CLVS1: variants seen among roughly 807,000 people sequenced by gnomAD.
CLVS1 encodes the protein clavesin 1, also known as clavesin-1.
Under a neutral mutation model 33.1 loss-of-function variants are expected in CLVS1, and 10 were observed. That is an observed-to-expected ratio of 0.30 (90% CI 0.19 to 0.51). CLVS1 has a LOEUF of 0.51. Ranked by LOEUF, CLVS1 falls within the 20% of genes least tolerant of loss-of-function variation. CLVS1 has a pLI of 0.97. For synonymous variants in CLVS1, 163 were observed against 166.1 expected, an observed-to-expected ratio of 0.98 and a Z score of 0.14; for missense variants, 343 against 433.4, an observed-to-expected ratio of 0.79 and a Z score of 1.85.
chr8:61,064,512 A>G (rs1166249927), intron 1 of CLVS1, among the ~76,000 whole-genome samples: 1 of 150,924 alleles, frequency 6.6e-6, no homozygotes, highest in African/African-American at 2.4e-5. Context: ...TTCTTTGGAG[A>G]AATGTCTATT....
intron 3 of CLVS1, among the ~76,000 whole-genome samples, chr8:61,379,766 T>G (rs1216046503): frequency 6.6e-6 from 1 of 152,134 alleles, no homozygotes; most frequent in African/African-American, 2.4e-5. Context: ...AGTTGGACAG[T>G]AGGAGAAATT....
intron 2 of CLVS1, among the ~76,000 whole-genome samples, chr8:61,226,980 GTTTT>G (rs55718731): frequency 0.011 from 1,513 of 132,326 alleles, 10 homozygotes; most frequent in Non-Finnish European, 0.017. Flanking sequence ...ACGAAAACAT[GTTTT>G]TTTTTTTTTT....
At chr8:61,068,049 T>C (rs1288773522) in intron 1 of CLVS1, among the ~76,000 whole-genome samples, 3 of 151,196 alleles carry the variant, frequency 2.0e-5, no homozygotes, top group Admixed American at 2.0e-4. Flanking sequence ...TTAGCAGGTG[T>C]GGTGGCTAGC....
At chr8:61,357,189 G>T (rs1020898335) in intron 2 of CLVS1, among the ~76,000 whole-genome samples, 2 of 152,154 alleles carry the variant, frequency 1.3e-5, no homozygotes, top group African/African-American at 4.8e-5. Flanking sequence ...GTGAATGGGA[G>T]TTCACTCATG....
At chr8:61,156,214 C>CAAAAAAA (rs56094016) in intron 2 of CLVS1, among the ~76,000 whole-genome samples, 1 of 56,324 alleles carries the variant, frequency 1.8e-5, no homozygotes, top group Non-Finnish European at 2.9e-5. Context: ...GATTCCATCT[C>CAAAAAAA]AAAAAAAAAA....
rs73685055 is a variant in CLVS1 at position 61,463,498 on chromosome 8, G to A, written c.977+4956G>A. ...TAGCTTTTGGTTTAAAATGAGAGAC[G>A]TGCAACTCTTCCTTTCACTTAAACA... On this transcript the variant is annotated intron_variant, in intron 5 of 5. Transcript: ENST00000325897. Among the ~76,000 whole-genome samples, 1,176 of 152,214 alleles carry A rather than the reference G, an allele frequency of 7.7e-3. 8 individuals are homozygous for A. The highest frequency in any genetic ancestry group is 0.027 in the African/African-American group (1,124 of 41,532).
At chr8:61,403,005 A>G (rs1236809573) in intron 3 of CLVS1, among the ~76,000 whole-genome samples, 1 of 152,258 alleles carries the variant, frequency 6.6e-6, no homozygotes, top group Non-Finnish European at 1.5e-5. Flanking sequence ...GTACTATTAA[A>G]AAAACAGGTT....
chr8:61,204,600 G>A (rs1807802132), intron 2 of CLVS1, among the ~76,000 whole-genome samples: 2 of 150,122 alleles, frequency 1.3e-5, no homozygotes, highest in African/African-American at 5.1e-5. Flanking sequence ...ATGACATTAA[G>A]TACATTATTT....
chr8:61,480,359 C>T (rs765161340), intron 5 of CLVS1, among the ~76,000 whole-genome samples: 20 of 152,162 alleles, frequency 1.3e-4, no homozygotes, highest in African/African-American at 3.1e-4. Flanking sequence ...AGCAAGGCTC[C>T]GTGGGCGTAG....
chr8:61,126,956 T>G (rs757908403), intron 1 of CLVS1, among the ~76,000 whole-genome samples: 19 of 152,200 alleles, frequency 1.2e-4, no homozygotes, highest in Non-Finnish European at 1.0e-4. Flanking sequence ...ATTTCTGTGT[T>G]TCTGATGTTC....
At chr8:61,086,863 G>A (rs140531724) in intron 1 of CLVS1, among the ~76,000 whole-genome samples, 41 of 152,282 alleles carry the variant, frequency 2.7e-4, no homozygotes, top group African/African-American at 9.4e-4. Context: ...TTTCACCCCT[G>A]TATCCAGATG....
intron 2 of CLVS1, among the ~76,000 whole-genome samples, chr8:61,353,947 A>T (rs1226586242): frequency 6.6e-6 from 1 of 151,976 alleles, no homozygotes; most frequent in Non-Finnish European, 1.5e-5. Context: ...AAATGAAGGA[A>T]TATTATGAAC....
intron 2 of CLVS1, among the ~76,000 whole-genome samples, chr8:61,192,403 A>G (rs1162392846): frequency 8.5e-5 from 13 of 152,240 alleles, no homozygotes; most frequent in African/African-American, 1.9e-4. Context: ...TTAAACGTTA[A>G]ACCTAAAACC....
At chr8:61,394,966 C>G (rs375553841) in intron 3 of CLVS1, among the ~76,000 whole-genome samples, 1 of 152,148 alleles carries the variant, frequency 6.6e-6, no homozygotes, top group South Asian at 2.1e-4. Flanking sequence ...ATCTGTTGGC[C>G]ATTCATATCT....
intron 1 of CLVS1, among the ~76,000 whole-genome samples, chr8:61,097,393 G>A (rs1412499482): frequency 1.3e-5 from 2 of 152,170 alleles, no homozygotes; most frequent in Non-Finnish European, 2.9e-5. Context: ...TATGGTGAGT[G>A]AGCATGATGC....
rs1463024735 is a variant in CLVS1 at position 61,141,643 on chromosome 8, G to C, written c.-152+9783G>C. On this transcript the variant is annotated intron_variant, in intron 2 of 2. Transcript: ENST00000522621. ...TACTCTCACAAGGCTCTTTTGTGAAGCCCAAGTCACAAATAATACTTCACT... is the reference window on the plus strand; with the variant it reads ...TACTCTCACAAGGCTCTTTTGTGAACCCCAAGTCACAAATAATACTTCACT... Among the ~76,000 whole-genome samples the C allele has an allele frequency of 3.3e-5, 5 of 152,160 alleles. No individual in the cohort carries two copies. The South Asian group carries it at 1.0e-3, about 31-fold the overall frequency.
the CLVS1 span, among the ~76,000 whole-genome samples, chr8:61,025,113 C>G: frequency 6.6e-6 from 1 of 152,206 alleles, no homozygotes; most frequent in South Asian, 2.1e-4. Flanking sequence ...CCTCCAAGTG[C>G]TGGGATTACA....
chr8:61,029,522 C>T, the CLVS1 span, among the ~76,000 whole-genome samples: 12 of 152,070 alleles, frequency 7.9e-5, no homozygotes, highest in Non-Finnish European at 1.0e-4. Flanking sequence ...GGTAGAACCT[C>T]GAGACGAATG....
chr8:61,210,730 T>C (rs1406268777), intron 2 of CLVS1, among the ~76,000 whole-genome samples: 1 of 152,216 alleles, frequency 6.6e-6, no homozygotes, highest in Non-Finnish European at 1.5e-5. Context: ...ACTCCTGAAC[T>C]ATGGACACCG....
Sources: gnomAD v4.1 joint callset for allele counts (sites outside exome capture counted in the v4.1 genomes callset) on GRCh38, gnomAD v4.1.1 for gene constraint, MANE v1.5 for transcripts, NCBI Gene and HGNC (gene_info 2026-07-23, HGNC 2026-07-21) for gene names.